The following PREX1 variants were observed in gnomAD, a reference collection of about 807,000 sequenced individuals.
The protein encoded by PREX1 is phosphatidylinositol-3,4,5-trisphosphate dependent Rac exchange factor 1.
In PREX1, 41 loss-of-function variants were observed where a neutral mutation model predicts 198.3. That is an observed-to-expected ratio of 0.21 (90% CI 0.16 to 0.27). The LOEUF (loss-of-function observed/expected upper bound fraction) is 0.27, where lower values mean the gene tolerates loss of function less well. Ranked by LOEUF, PREX1 falls within the 10% of genes least tolerant of loss-of-function variation. The pLI, the probability that PREX1 is intolerant of heterozygous loss-of-function variation, is 1.00. For missense variants in PREX1, 1,620 were observed against 2,200.7 expected (o/e 0.74, Z 5.28); for synonymous variants, 843 against 887.2 (o/e 0.95, Z 0.89).
intron 28 of PREX1, 52 bp from the exon 29 acceptor site, chr20:48,642,310 G>A: frequency 1.2e-6 from 2 of 1,605,766 alleles, no homozygotes; most frequent in Middle Eastern, 1.7e-4. Flanking sequence ...CCTACACACT[G>A]CAGACATCTG....
intron 15 of PREX1, among the ~76,000 whole-genome samples, chr20:48,663,165 G>A (rs973602629): frequency 3.3e-5 from 5 of 152,194 alleles, no homozygotes; most frequent in South Asian, 2.1e-4. Context: ...CATGCTGAGC[G>A]CACAGGAGGG....
chr20:48,810,494 A>C (rs1314202954), intron 1 of PREX1, among the ~76,000 whole-genome samples: 2 of 151,020 alleles, frequency 1.3e-5, no homozygotes, highest in Admixed American at 1.3e-4. Context: ...TGAGGTGGGA[A>C]GGTCACCCCA....
chr20:48,819,316 G>A (rs2090472978), intron 1 of PREX1, among the ~76,000 whole-genome samples: 1 of 152,086 alleles, frequency 6.6e-6, no homozygotes, highest in Non-Finnish European at 1.5e-5. Context: ...AACAAGCCTG[G>A]CACAGTCCTG....
At chr20:48,805,566 G>A (rs961265570) in intron 1 of PREX1, among the ~76,000 whole-genome samples, 2 of 152,206 alleles carry the variant, frequency 1.3e-5, no homozygotes, top group Non-Finnish European at 1.5e-5. Context: ...TGCTGGCAGC[G>A]AATTAGGGAG....
the PREX1 span, among the ~76,000 whole-genome samples, chr20:48,853,885 A>G: frequency 8.5e-5 from 13 of 152,312 alleles, no homozygotes; most frequent in South Asian, 2.7e-3. Context: ...AAAACTCTTC[A>G]TAAACTGTCA....
the PREX1 span, among the ~76,000 whole-genome samples, chr20:48,842,524 T>G: frequency 6.6e-6 from 1 of 151,838 alleles, no homozygotes; most frequent in Non-Finnish European, 1.5e-5. Context: ...CGTGGGTATA[T>G]TCTCTCTCTC....
At chr20:48,674,004 T>C (rs553066609) in intron 14 of PREX1, among the ~76,000 whole-genome samples, 1 of 152,322 alleles carries the variant, frequency 6.6e-6, no homozygotes, top group African/African-American at 2.4e-5. Flanking sequence ...ACCTAGGAAG[T>C]AGCAAGGCTG....
chr20:48,771,697 C>A (rs778448890), intron 1 of PREX1, among the ~76,000 whole-genome samples: 8 of 152,130 alleles, frequency 5.3e-5, no homozygotes. Context: ...CATCACCATG[C>A]GGAGGAGGAA....
chr20:48,866,261 A>G, the PREX1 span, among the ~76,000 whole-genome samples: 1 of 152,190 alleles, frequency 6.6e-6, no homozygotes, highest in Admixed American at 6.5e-5. Flanking sequence ...ATTATTTAAA[A>G]TAGGGTAGCA....
intron 3 of PREX1, among the ~76,000 whole-genome samples, chr20:48,736,801 T>C (rs1302511740): frequency 1.3e-5 from 2 of 152,178 alleles, no homozygotes; most frequent in African/African-American, 2.4e-5. Flanking sequence ...AACCTGCTCC[T>C]GCAGAGAAGA....
At chr20:48,710,810 C>T (rs1568834896) in intron 5 of PREX1, among the ~76,000 whole-genome samples, 1 of 152,246 alleles carries the variant, frequency 6.6e-6, no homozygotes, top group Non-Finnish European at 1.5e-5. Flanking sequence ...AGGAACAGCA[C>T]TCCAGGAAGG....
rs200575737 is a variant in PREX1 at position 48,693,510 on chromosome 20, C to T, written c.918-720G>A. On this transcript the variant is annotated intron_variant, in intron 7 of 39. Coordinates refer to ENST00000371941, the MANE Select transcript of PREX1 (RefSeq NM_020820.4). ...ATCTATGAAGCAGAAAGCAGGCCCT[C>T]GCCAGCACCGAGTCTACTAGCACCT... Among the ~76,000 whole-genome samples, 7 of 152,228 alleles carry T rather than the reference C, an allele frequency of 4.6e-5. No individual in the cohort carries two copies. In the East Asian group the frequency reaches 7.7e-4, roughly 17 times the overall value.
chr20:48,649,457 A>G lies in PREX1; in HGVS notation c.3148T>C (p.Phe1050Leu), dbSNP rs770586137. ...PQGQGLHDGSFGPASGTLGQE... is the reference protein window; with the variant it reads ...PQGQGLHDGSLGPASGTLGQE... ...CCAAGGGTCCCACTGGCTGGCCCGA[A>G]GCTGCCATCATGGAGACCCTGGCCT... is the stretch of plus-strand genomic sequence containing the variant. Residue 1050 changes from phenylalanine (F) to leucine (L), a missense_variant, in exon 25 of 40, where the codon TTC becomes CTC. Physicochemically the swap from Phe to Leu is conservative, Grantham distance 22 (BLOSUM62 0). Coordinates refer to ENST00000371941, the MANE Select transcript of PREX1 (RefSeq NM_020820.4). 5.6e-6 allele frequency: 9 copies of G among 1,614,154 alleles called. No individual in the cohort carries two copies. Among genetic ancestry groups the G allele is most frequent in the Non-Finnish European group, 7.6e-6 (9 of 1,180,008 alleles).
At chr20:48,763,305 G>A (rs1370150378) in intron 1 of PREX1, among the ~76,000 whole-genome samples, 7 of 152,374 alleles carry the variant, frequency 4.6e-5, no homozygotes, top group Non-Finnish European at 4.4e-5. Flanking sequence ...GCGTGTGGCT[G>A]GAAGGAAAAG....
At chr20:48,706,349 T>C (rs1453839416) in intron 6 of PREX1, among the ~76,000 whole-genome samples, 1 of 152,234 alleles carries the variant, frequency 6.6e-6, no homozygotes, top group Non-Finnish European at 1.5e-5. Flanking sequence ...GCTTCTTCCT[T>C]TTCTGACAAT....
the PREX1 span, among the ~76,000 whole-genome samples, chr20:48,871,833 CA>C: frequency 6.7e-6 from 1 of 149,426 alleles, no homozygotes; most frequent in Admixed American, 6.7e-5. Flanking sequence ...TCCAGCTCAC[CA>C]AAATACTCAG....
chr20:48,630,831 A>T (rs1283714273), intron 35 of PREX1, 37 bp from the exon 36 acceptor site: 1 of 1,476,030 alleles, frequency 6.8e-7, no homozygotes, highest in Admixed American at 1.7e-5. Context: ...GGGGGCCACC[A>T]CACCCACCAT....
chr20:48,863,939 T>C, the PREX1 span, among the ~76,000 whole-genome samples: 2 of 152,252 alleles, frequency 1.3e-5, no homozygotes, highest in African/African-American at 4.8e-5. Flanking sequence ...TGTCTTTTCA[T>C]GGCTTGATAG....
At chr20:48,698,262 C>T (rs1369796312) in intron 7 of PREX1, among the ~76,000 whole-genome samples, 1 of 152,162 alleles carries the variant, frequency 6.6e-6, no homozygotes, top group African/African-American at 2.4e-5. Context: ...GCTGTCCCTG[C>T]ACAGGTGAGA....
Sources: allele counts gnomAD v4.1 joint callset (sites outside exome capture counted in the v4.1 genomes callset), GRCh38; gene constraint gnomAD v4.1.1; transcripts MANE v1.5; gene names NCBI Gene and HGNC (gene_info 2026-07-23, HGNC 2026-07-21).